PPP5C: variants seen among roughly 807,000 people sequenced by gnomAD.
PPP5C encodes the protein protein phosphatase 5 catalytic subunit, also known as serine/threonine-protein phosphatase 5.
In PPP5C, 21 loss-of-function variants were observed where a neutral mutation model predicts 66.7. That is an observed-to-expected ratio of 0.31 (90% CI 0.22 to 0.45). The LOEUF is 0.45. Among genes scored for constraint, PPP5C ranks in the 20% least tolerant of loss-of-function variants. PPP5C has a pLI of 1.00. For synonymous variants in PPP5C, 246 were observed against 257.4 expected (o/e 0.96, Z 0.43); for missense variants, 464 against 675.9 (o/e 0.69, Z 3.48).
intron 2 of PPP5C, among the ~76,000 whole-genome samples, chr19:46,359,567 A>C (rs1972345565): frequency 6.6e-6 from 1 of 152,134 alleles, no homozygotes; most frequent in African/African-American, 2.4e-5. Context: ...TCAGGGCTAG[A>C]ATCTAAACAC....
rs1973011876 is a variant in PPP5C, at chr19:46,390,922, G to A, written c.*576G>A. 2.6e-6 allele frequency: 3 copies of A among 1,174,684 alleles called. No individual in the cohort carries two copies. Among genetic ancestry groups the A allele is most frequent in the South Asian group, 3.2e-5 (2 of 62,320 alleles). The allele number at this position is 1,174,684 out of a possible 1,614,324, so 72.8% of individuals were successfully genotyped here. ...TTACGCCTGCTCAGGAGATCCGGAG[G>A]GTGGGGAGGCCGCAAAGTCCCGCTG... On this transcript the variant is annotated 3_prime_UTR_variant, in exon 13 of 13. Transcript: ENST00000012443.
At position 46,375,591 on chromosome 19, in the gene PPP5C, C is replaced by T. The variant is rs750223002; in HGVS notation, c.364-13C>T. ...CTCAGCCTCAGTGTGCACGCCCCTT[C>T]CCTCCCACCCAGGTGGTCAAGGTGA... On this transcript the variant is annotated splice_polypyrimidine_tract_variant and intron_variant, in intron 2 of 12. Transcript: ENST00000012443. 2 of 1,613,556 alleles carry T rather than the reference C, an allele frequency of 1.2e-6. No homozygotes were observed. The highest frequency in any genetic ancestry group is 1.7e-5 in the Admixed American group (1 of 59,994).
At chr19:46,368,624 T>C (rs1249856924) in intron 2 of PPP5C, among the ~76,000 whole-genome samples, 1 of 152,216 alleles carries the variant, frequency 6.6e-6, no homozygotes. Flanking sequence ...AGGGATGAAC[T>C]GTATAGTGGC....
intron 2 of PPP5C, among the ~76,000 whole-genome samples, chr19:46,369,013 G>A (rs1972537344): frequency 6.6e-6 from 1 of 152,220 alleles, no homozygotes; most frequent in South Asian, 2.1e-4. Flanking sequence ...TAGTGAGCAT[G>A]AAGCAGCTAC....
rs1309731792 is a variant in PPP5C, at chr19:46,383,279, G to A, written c.634-132G>A. On this transcript the variant is annotated intron_variant, in intron 4 of 12. Transcript: ENST00000012443. This position sits in a 1 kb window ranked among gnomAD's most constrained non-coding sequence, Gnocchi z 5.0. ...GCTCCCGCTCCCCCAGGCCTGCCCT[G>A]CCCTTTTTCTTCTCTCCCTGCTTCT... The A allele has an allele frequency of 1.3e-6, 2 of 1,548,524 alleles. No individual in the cohort carries two copies. Among genetic ancestry groups the A allele is most frequent in the Non-Finnish European group, 8.7e-7 (1 of 1,146,254 alleles).
At chr19:46,366,120 A>C (rs1277779967) in intron 2 of PPP5C, among the ~76,000 whole-genome samples, 2 of 152,168 alleles carry the variant, frequency 1.3e-5, no homozygotes, top group African/African-American at 4.8e-5. Context: ...GGAGGAACAC[A>C]GTGGGTTTGT....
Position 46,362,908 on chromosome 19 carries a change from C to T in PPP5C, c.363+8919C>T, listed in dbSNP as rs1972416053. On this transcript the variant is annotated intron_variant, in intron 2 of 12. Transcript: ENST00000012443. The stretch of plus-strand genomic sequence containing the variant: ...GTTCATGCCATTCCCCTGCCTCAGC[C>T]TCCCGAGTACCTGGGACTACAGGCG... Among the ~76,000 whole-genome samples the T allele has an allele frequency of 1.1e-4, 16 of 150,704 alleles. No homozygotes were observed. The South Asian group carries it at 3.3e-3, about 31-fold the overall frequency.
chr19:46,370,749 C>CT (rs1237029737), intron 2 of PPP5C, among the ~76,000 whole-genome samples: 42 of 140,528 alleles, frequency 3.0e-4, no homozygotes, highest in South Asian at 6.8e-4. Flanking sequence ...ATGTCTCTCT[C>CT]TTTTTTTTTT....
intron 2 of PPP5C, among the ~76,000 whole-genome samples, chr19:46,372,998 C>G (rs1342202048): frequency 6.6e-6 from 1 of 152,236 alleles, no homozygotes; most frequent in Admixed American, 6.5e-5. Context: ...GAGCACTTGC[C>G]TGCTGCTGCC....
Position 46,383,087 on chromosome 19 carries a change from A to G in PPP5C, c.634-324A>G. On this transcript the variant is annotated intron_variant, in intron 4 of 12. Transcript: ENST00000012443. This position sits in a 1 kb window ranked among gnomAD's most constrained non-coding sequence, Gnocchi z 5.0. ...ATGACAGTGACATTGCGCTGTGTCC[A>G]GGCCAGTTCTTTTATAAAATGTTCT... 1.7e-6 allele frequency: 2 copies of G among 1,182,442 alleles called. No homozygotes were observed. The highest frequency in any genetic ancestry group is 2.2e-6 in the Non-Finnish European group (2 of 917,266). 73.2% of individuals were successfully genotyped at this position (1,182,442 alleles called of 1,614,324 possible). A position where few individuals can be genotyped will look rare whatever the true frequency, so the allele number is the denominator to read the frequency against.
chr19:46,353,008 C>G (rs1190774613), intron 1 of PPP5C, among the ~76,000 whole-genome samples: 1 of 152,082 alleles, frequency 6.6e-6, no homozygotes, highest in Non-Finnish European at 1.5e-5. Flanking sequence ...ATCACGGCCC[C>G]CAGTGGGGAC....
At chr19:46,385,802 A>G (rs1358589084) in intron 7 of PPP5C, among the ~76,000 whole-genome samples, 1 of 151,248 alleles carries the variant, frequency 6.6e-6, no homozygotes. Flanking sequence ...AAAGCCAGGC[A>G]TGGTGGCACC....
intron 2 of PPP5C, among the ~76,000 whole-genome samples, chr19:46,366,227 A>G (rs766124261): frequency 6.6e-6 from 1 of 152,154 alleles, no homozygotes. Flanking sequence ...TAACCGAAGA[A>G]ACTGAGGCAA....
chr19:46,352,834 A>G (rs1177499352), intron 1 of PPP5C, among the ~76,000 whole-genome samples: 1 of 151,332 alleles, frequency 6.6e-6, no homozygotes, highest in Non-Finnish European at 1.5e-5. Context: ...AAAAAAAAAA[A>G]AAGAAGGCCC....
At chr19:46,389,187 G>A (rs1320986786) in intron 11 of PPP5C, among the ~76,000 whole-genome samples, 1 of 151,798 alleles carries the variant, frequency 6.6e-6, no homozygotes, top group African/African-American at 2.4e-5. Flanking sequence ...AGCAGGGCGT[G>A]GTGGCACACA....
At chr19:46,348,334 C>T (rs1176175903) in intron 1 of PPP5C, among the ~76,000 whole-genome samples, 1 of 120,894 alleles carries the variant, frequency 8.3e-6, no homozygotes, top group East Asian at 2.4e-4. Context: ...TTTTTTGAGA[C>T]GGGAGTTTTG....
intron 1 of PPP5C, among the ~76,000 whole-genome samples, chr19:46,352,712 C>A (rs534993288): frequency 6.6e-6 from 1 of 151,384 alleles, no homozygotes. Flanking sequence ...CCCAGCTGCT[C>A]GGGGGGCTAA....
intron 2 of PPP5C, among the ~76,000 whole-genome samples, chr19:46,373,201 C>T (rs1326837479): frequency 6.6e-6 from 1 of 152,226 alleles, no homozygotes; most frequent in Non-Finnish European, 1.5e-5. Flanking sequence ...GCAGTGTGCC[C>T]CAGGGACGAG....
chr19:46,365,398 G>A (rs961309107), intron 2 of PPP5C, among the ~76,000 whole-genome samples: 4 of 152,308 alleles, frequency 2.6e-5, no homozygotes, highest in East Asian at 3.9e-4. Context: ...GATTACAGGC[G>A]TGAGCCACAC....
Sources: allele counts gnomAD v4.1 joint callset (sites outside exome capture counted in the v4.1 genomes callset), GRCh38; gene constraint gnomAD v4.1.1; non-coding constraint Gnocchi (gnomAD v3.1); transcripts MANE v1.5; gene names NCBI Gene and HGNC (gene_info 2026-07-23, HGNC 2026-07-21).